The following KDM1B variants were observed in gnomAD, a reference collection of about 807,000 sequenced individuals.
KDM1B encodes lysine demethylase 1B.
KDM1B carries 63 observed loss-of-function variants against 107.4 expected under a neutral mutation model. The observed-to-expected ratio is 0.59, with a 90% CI of 0.48 to 0.72. The LOEUF (loss-of-function observed/expected upper bound fraction) is 0.72. KDM1B is among the 30% of genes least tolerant of loss of function. KDM1B has a pLI of 0.00. For missense variants in KDM1B, 749 were observed against 1,020.8 expected, an observed-to-expected ratio of 0.73 and a Z score of 3.63; for synonymous variants, 363 against 363.9, an observed-to-expected ratio of 1.00 and a Z score of 0.03.
intron 9 of KDM1B, among the ~76,000 whole-genome samples, chr6:18,190,606 A>C (rs1450595411): frequency 1.3e-5 from 2 of 151,516 alleles, no homozygotes; most frequent in Non-Finnish European, 2.9e-5. Flanking sequence ...CATCTTAAAA[A>C]GAAAAAAAAG....
At chr6:18,188,213 C>T (rs1349250215) in intron 9 of KDM1B, among the ~76,000 whole-genome samples, 4 of 152,008 alleles carry the variant, frequency 2.6e-5, no homozygotes, top group Non-Finnish European at 5.9e-5. Flanking sequence ...AGCGAGATCT[C>T]GTCTCTAAAA....
rs1021642938 is a variant in KDM1B at position 18,172,513 on chromosome 6, G to A, written c.534+1034G>A. Among the ~76,000 whole-genome samples, 5 of 152,140 alleles carry A rather than the reference G, an allele frequency of 3.3e-5. No homozygotes were observed. Among genetic ancestry groups the A allele is most frequent in the African/African-American group, 1.2e-4 (5 of 41,430 alleles). The stretch of plus-strand genomic sequence containing the variant: ...ATGATGCTCAGAGGTTCTGCTCAAA[G>A]GAAATGTTCACTGGAGCATTTTAGA... On this transcript the variant is annotated intron_variant, in intron 7 of 21. Coordinates refer to ENST00000650836, the MANE Select transcript of KDM1B (RefSeq NM_001364614.2). The surrounding 1 kb of genome is among the most constrained non-coding windows in gnomAD (Gnocchi z 5.2).
chr6:18,181,279 A>T (rs1435239676), intron 7 of KDM1B, among the ~76,000 whole-genome samples: 2 of 152,202 alleles, frequency 1.3e-5, no homozygotes, highest in Non-Finnish European at 2.9e-5. Context: ...TGATTGACAG[A>T]TAGCTTCCTG....
In KDM1B at chr6:18,205,008, T is replaced by C. The variant is rs1448373082; in HGVS notation, c.1532-529T>C. On this transcript the variant is annotated intron_variant, in intron 14 of 21. Transcript: ENST00000650836. This position sits in a 1 kb window ranked among gnomAD's most constrained non-coding sequence, Gnocchi z 5.7. ...CATAGGCAACCAGTAATTGTAGATA[T>C]GGAGGCGGAGTGCTGACAAGATACA... 1.3e-5 allele frequency among the ~76,000 whole-genome samples: 2 copies of C among 152,200 alleles called. No individual in the cohort carries two copies. Among genetic ancestry groups the C allele is most frequent in the African/African-American group, 2.4e-5 (1 of 41,456 alleles).
Position 18,205,598 on chromosome 6 carries a change from G to T in KDM1B, c.1593G>T (p.Leu531=), listed in dbSNP as rs1419906818. Residue 531 remains leucine (L), a synonymous_variant, in exon 15 of 22, where the codon CTG becomes CTT. Coordinates refer to ENST00000650836, the MANE Select transcript of KDM1B (RefSeq NM_001364614.2). The surrounding 1 kb of genome is among the most constrained non-coding windows in gnomAD (Gnocchi z 5.7). ...IKESGIQFSE[L]EGQVLQFHLS... ...AATCTGGTATCCAATTCAGTGAGCTGGAGGGACAGGTGCTTCAGTTCCATC... is the reference window on the plus strand; with the variant it reads ...AATCTGGTATCCAATTCAGTGAGCTTGAGGGACAGGTGCTTCAGTTCCATC... 1.3e-6 allele frequency: 2 copies of T among 1,545,264 alleles called. No individual in the cohort carries two copies. The highest frequency in any genetic ancestry group is 2.8e-5 in the African/African-American group (2 of 72,640).
At position 18,204,032 on chromosome 6, in the gene KDM1B, T is replaced by C. The variant is rs893039701; in HGVS notation, c.1532-1505T>C. ...CAGAAAGTGGCACAAAGCCCAGGGG[T>C]CTAGGAGCAACAAAGACAGGCACAA... On this transcript the variant is annotated intron_variant, in intron 14 of 21. Transcript: ENST00000650836. This position sits in a 1 kb window ranked among gnomAD's most constrained non-coding sequence, Gnocchi z 4.9. 2.6e-5 allele frequency among the ~76,000 whole-genome samples: 4 copies of C among 151,640 alleles called. No individual in the cohort carries two copies. The highest frequency in any genetic ancestry group is 1.3e-4 in the Admixed American group (2 of 15,200).
chr6:18,213,533 T>G lies in KDM1B; in HGVS notation c.1984-123T>G. ...GGTGAGGAGAATGGAAAGAGCGGTA[T>G]TTGGGGTTGTTCTTTCGGGCAGTGT... On this transcript the variant is annotated intron_variant, in intron 18 of 21. Transcript: ENST00000650836. The surrounding 1 kb of genome is among the most constrained non-coding windows in gnomAD (Gnocchi z 5.9). 6.9e-6 allele frequency: 6 copies of G among 870,570 alleles called. No individual in the cohort carries two copies. The highest frequency in any genetic ancestry group is 9.3e-6 in the Non-Finnish European group (5 of 536,842). 53.9% of individuals were successfully genotyped at this position (870,570 alleles called of 1,614,324 possible).
At chr6:18,176,325 C>T (rs1381353274) in intron 7 of KDM1B, among the ~76,000 whole-genome samples, 1 of 152,156 alleles carries the variant, frequency 6.6e-6, no homozygotes, top group Admixed American at 6.6e-5. Context: ...ACTTTGCTAA[C>T]TTCTTTTATC....
At chr6:18,171,841 A>G (rs1028627946) in intron 7 of KDM1B, among the ~76,000 whole-genome samples, 6 of 152,196 alleles carry the variant, frequency 3.9e-5, no homozygotes, top group African/African-American at 1.2e-4. Context: ...AAAGGGGGAA[A>G]GGTCAAAGGG....
chr6:18,219,703 C>T lies in KDM1B; in HGVS notation c.2385+1818C>T, dbSNP rs796176060. ...CATGTCCAAATCCCCGATCCATCAC[C>T]GTTGACTTAGATTCGAGCAAGGCAT... On this transcript the variant is annotated intron_variant, in intron 21 of 21. Transcript: ENST00000650836. Among the ~76,000 whole-genome samples, 6 of 152,296 alleles carry T rather than the reference C, an allele frequency of 3.9e-5. No homozygotes were observed. The South Asian group carries it at 6.2e-4, about 16-fold the overall frequency.
intron 7 of KDM1B, among the ~76,000 whole-genome samples, chr6:18,173,491 A>T (rs1206802518): frequency 1.3e-5 from 2 of 151,940 alleles, no homozygotes; most frequent in Non-Finnish European, 2.9e-5. Flanking sequence ...TTTATGAGGA[A>T]TTTTCCATTT....
At chr6:18,221,661 T>C (rs560587554) in intron 21 of KDM1B, among the ~76,000 whole-genome samples, 44 of 152,228 alleles carry the variant, frequency 2.9e-4, no homozygotes, top group Non-Finnish European at 1.2e-4. Flanking sequence ...CTCTAGTACC[T>C]ATCACATATA....
chr6:18,202,249 G>GC (rs148102851), intron 14 of KDM1B, among the ~76,000 whole-genome samples: 6,767 of 151,174 alleles, frequency 0.045, 450 homozygotes, highest in African/African-American at 0.14. Context: ...AAAAAAGGGC[G>GC]GGGGGCAAGC....
At chr6:18,216,916 T>G (rs1193087942) in intron 20 of KDM1B, among the ~76,000 whole-genome samples, 1 of 152,238 alleles carries the variant, frequency 6.6e-6, no homozygotes, top group Non-Finnish European at 1.5e-5. Context: ...AGGCATCCCC[T>G]GCGGGTCATG....
intron 9 of KDM1B, among the ~76,000 whole-genome samples, chr6:18,189,552 A>C (rs73381350): frequency 6.6e-5 from 10 of 152,342 alleles, no homozygotes; most frequent in African/African-American, 2.4e-4. Context: ...AATGCCTAGC[A>C]ATAGGGAAAT....
In KDM1B at chr6:18,213,152, C is replaced by T. The variant is rs1359601721; in HGVS notation, c.1984-504C>T. ...ACTGAGTGGCATCAAAAGCAAGGAG[C>T]TGGGCTGGGCACAGTGGCTCATGCC... On this transcript the variant is annotated intron_variant, in intron 18 of 21. Transcript: ENST00000650836. The surrounding 1 kb of genome is among the most constrained non-coding windows in gnomAD (Gnocchi z 5.9). Among the ~76,000 whole-genome samples the T allele has an allele frequency of 2.0e-5, 3 of 152,054 alleles. No homozygotes were observed. Among genetic ancestry groups the T allele is most frequent in the African/African-American group, 7.2e-5 (3 of 41,426 alleles).
Position 18,222,055 on chromosome 6 carries a change from C to T in KDM1B, c.*63C>T, listed in dbSNP as rs1454768620. ...GGGGAAATTTGAATCACATGTTAAA[C>T]CTCAGTTTTATAAGAGGGGGAAAAA... On this transcript the variant is annotated 3_prime_UTR_variant, in exon 22 of 22. Coordinates refer to ENST00000650836, the MANE Select transcript of KDM1B (RefSeq NM_001364614.2). 6.9e-7 allele frequency: 1 copy of T among 1,447,102 alleles called. No homozygotes were observed. The highest frequency in any genetic ancestry group is 1.1e-5 in the South Asian group (1 of 87,722). The allele number at this position is 1,447,102 out of a possible 1,614,324, so 89.6% of individuals were successfully genotyped here.
At chr6:18,170,141 C>T (rs1158790322) in intron 6 of KDM1B, among the ~76,000 whole-genome samples, 3 of 151,948 alleles carry the variant, frequency 2.0e-5, no homozygotes, top group Non-Finnish European at 4.4e-5. Context: ...GAGCTCCTGA[C>T]CTCAGGTGAT....
rs1280384289 is a variant in KDM1B, at chr6:18,179,858, T to C, written c.535-5914T>C. On this transcript the variant is annotated intron_variant, in intron 7 of 21. Transcript: ENST00000650836. ...AGCATTGGTTTTTTTTCCTTTTTTT[T>C]TTTTTTTTTTTTTTTTTTTTCATAA... 4.9e-5 allele frequency among the ~76,000 whole-genome samples: 6 copies of C among 121,224 alleles called. 1 individual carries two copies. Among genetic ancestry groups the C allele is most frequent in the African/African-American group, 1.3e-4 (4 of 30,484 alleles). 79.5% of individuals were successfully genotyped at this position (121,224 alleles called of 152,430 possible).
Sources: gnomAD v4.1 joint callset for allele counts (sites outside exome capture counted in the v4.1 genomes callset) on GRCh38, gnomAD v4.1.1 for gene constraint, Gnocchi (gnomAD v3.1) non-coding constraint, MANE v1.5 for transcripts, NCBI Gene and HGNC (gene_info 2026-07-23, HGNC 2026-07-21) for gene names.